Variants in ZNF75A observed in about 807,000 individuals in gnomAD.
ZNF75A encodes zinc finger protein 75A.
Under a neutral mutation model 46.3 loss-of-function variants are expected in ZNF75A, and 36 were observed. That is an observed-to-expected ratio of 0.78 (90% CI 0.60 to 1.03). ZNF75A has a LOEUF of 1.03. Ranked by LOEUF, ZNF75A falls within the 50% of genes least tolerant of loss-of-function variation. The probability of loss-of-function intolerance (pLI) is 0.00; values close to 1 mark genes in which losing one functional copy is unlikely to be tolerated. For missense variants in ZNF75A, 595 were observed against 551.3 expected (o/e 1.08, Z -0.79); for synonymous variants, 234 against 189.9 (o/e 1.23, Z -1.91).
chr16:3,311,141 ATGAG>A (rs1022961906), intron 2 of ZNF75A, among the ~76,000 whole-genome samples: 1 of 152,142 alleles, frequency 6.6e-6, no homozygotes, highest in African/African-American at 2.4e-5. Flanking sequence ...CAGTATTAGA[ATGAG>A]TGGCCTGCCT....
At position 3,317,628 on chromosome 16, in the gene ZNF75A, A is replaced by T. The variant is rs1156573277; in HGVS notation, c.1373A>T (p.Tyr458Phe). 1.2e-6 allele frequency: 2 copies of T among 1,614,030 alleles called. No homozygotes were observed. Among genetic ancestry groups the T allele is most frequent in the African/African-American group, 1.3e-5 (1 of 74,924 alleles). The change falls in exon 7 of 7, where the codon TAT (tyrosine) becomes TTT (phenylalanine). Residue 458 changes from tyrosine to phenylalanine, a missense_variant. By Grantham distance (22) the Tyr-to-Phe change is conservative (BLOSUM62 3). Coordinates refer to ENST00000669516, the MANE Select transcript of ZNF75A (RefSeq NM_001302109.2). The part of the protein sequence containing the change: ...HLTTHQGIKP[Y>F]KCSWCGKSFS... ...ACAACACACCAAGGAATAAAACCATATAAATGTTCATGGTGTGGGAAAAGC... is the reference window on the plus strand; with the variant it reads ...ACAACACACCAAGGAATAAAACCATTTAAATGTTCATGGTGTGGGAAAAGC...
At chr16:3,312,965 A>G in intron 4 of ZNF75A, 84 bp from the exon 5 acceptor site, 1 of 1,473,386 alleles carries the variant, frequency 6.8e-7, no homozygotes, top group South Asian at 1.4e-5. Context: ...TAATTCCTTT[A>G]TCGCCTGGCC....
At chr16:3,312,936 TA>T in intron 4 of ZNF75A, 112 bp from the exon 5 acceptor site, 2 of 1,393,870 alleles carry the variant, frequency 1.4e-6, no homozygotes, top group Non-Finnish European at 1.9e-6. Flanking sequence ...CCTTCTCACT[TA>T]AAAAAATCAT....
intron 4 of ZNF75A, 133 bp from the exon 5 acceptor site, chr16:3,312,915 CT>C: frequency 1.2e-5 from 16 of 1,324,668 alleles, no homozygotes; most frequent in Admixed American, 2.9e-5. Flanking sequence ...GCCTTTTCTC[CT>C]TTTTTTCTGC....
At chr16:3,319,712 C>T (rs1219491710), downstream of ZNF75A, among the ~76,000 whole-genome samples, 2 of 151,922 alleles carry the variant, frequency 1.3e-5, no homozygotes, top group African/African-American at 2.4e-5. Context: ...CTGCTCCTTG[C>T]TCTAAGACGG....
In ZNF75A at chr16:3,308,557, T is replaced by A. The variant is rs758351019; in HGVS notation, c.129T>A (p.Asp43Glu). The change falls in exon 2 of 7, where the codon GAT becomes GAA. Residue 43 changes from aspartate (D) to glutamate (E), a missense_variant. Coordinates refer to ENST00000669516, the MANE Select transcript of ZNF75A (RefSeq NM_001302109.2). ...AATCTCCTCAAATGGACTGTCTCGA[T>A]CCTAAGAGCTCTTGCTGGCACTTCC... ...SKKSPQMDCLDPKSSCWHFRN... is the reference protein window; with the variant it reads ...SKKSPQMDCLEPKSSCWHFRN... 5 of 985,916 alleles carry A rather than the reference T, an allele frequency of 5.1e-6. No homozygotes were observed. The highest frequency in any genetic ancestry group is 6.0e-6 in the Non-Finnish European group (5 of 829,968). The allele number at this position is 985,916 out of a possible 1,614,324, so 61.1% of individuals were successfully genotyped here.
At chr16:3,321,513 G>A (rs897287487), downstream of ZNF75A, among the ~76,000 whole-genome samples, 5 of 152,134 alleles carry the variant, frequency 3.3e-5, no homozygotes, top group African/African-American at 7.2e-5. Context: ...TTTGAGACAA[G>A]GGTCTCTGTT....
chr16:3,318,643 G>C lies in ZNF75A; in HGVS notation c.*774G>C, dbSNP rs894331706. On this transcript the variant is annotated 3_prime_UTR_variant, in exon 7 of 7. Transcript: ENST00000669516. ...ATTAGTACTTGCCCAAGGCCTGAAA[G>C]AGAATTAGTGGGAATTAAGATCAAC... 13 of 985,346 alleles carry C rather than the reference G, an allele frequency of 1.3e-5. No individual in the cohort carries two copies. The African/African-American group carries it at 2.3e-4, about 17-fold the overall frequency. The allele number at this position is 985,346 out of a possible 1,614,324, so 61.0% of individuals were successfully genotyped here. A position where few individuals can be genotyped will look rare whatever the true frequency, so the allele number is the denominator to read the frequency against.
At position 3,317,776 on chromosome 16, in the gene ZNF75A, C is replaced by T. The variant is rs759542167; in HGVS notation, c.1521C>T (p.Thr507=). 1.2e-6 allele frequency: 2 copies of T among 1,614,154 alleles called. No individual in the cohort carries two copies. The highest frequency in any genetic ancestry group is 1.6e-4 in the Middle Eastern group (1 of 6,062). The change falls in exon 7 of 7, where the codon ACC becomes ACT. Residue 507 remains threonine (T), a synonymous_variant. Coordinates refer to ENST00000669516, the MANE Select transcript of ZNF75A (RefSeq NM_001302109.2). The part of the protein sequence containing the change: ...QNSHLIKHRR[T]HTGEQPYTCS... ...CCCACCTTATTAAACACCGGAGAAC[C>T]CACACAGGTGAGCAGCCATATACTT...
At position 3,317,353 on chromosome 16, in the gene ZNF75A, G is replaced by T. The variant is rs760314318; in HGVS notation, c.1098G>T (p.Trp366Cys). The T allele has an allele frequency of 2.5e-6, 4 of 1,613,966 alleles. No homozygotes were observed. Among genetic ancestry groups the T allele is most frequent in the Non-Finnish European group, 2.5e-6 (3 of 1,180,016 alleles). The stretch of plus-strand genomic sequence containing the variant: ...TTGATATGCACAGAGTGGGAAAATG[G>T]CACCAAGATTTTCCAGTGAAGAAAA... ...NHFDMHRVGK[W>C]HQDFPVKKRK... Residue 366 changes from tryptophan (W) to cysteine (C), a missense_variant, in exon 7 of 7, where the codon TGG (tryptophan) becomes TGT (cysteine). Physicochemically the swap from Trp to Cys is radical, Grantham distance 215. Coordinates refer to ENST00000669516, the MANE Select transcript of ZNF75A (RefSeq NM_001302109.2).
At chr16:3,314,122 G>T (rs191451652) in intron 5 of ZNF75A, among the ~76,000 whole-genome samples, 132 of 152,122 alleles carry the variant, frequency 8.7e-4, no homozygotes, top group African/African-American at 2.8e-3. Context: ...ATCATCTGGG[G>T]AACCGGTTCT....
At chr16:3,322,304 C>T (rs2029973519), downstream of ZNF75A, among the ~76,000 whole-genome samples, 1 of 152,188 alleles carries the variant, frequency 6.6e-6, no homozygotes. Flanking sequence ...TGTGGGTTCA[C>T]TGGGGACCGA....
chr16:3,314,215 C>T (rs902641285), intron 5 of ZNF75A, among the ~76,000 whole-genome samples: 1 of 152,118 alleles, frequency 6.6e-6, no homozygotes, highest in African/African-American at 2.4e-5. Context: ...CCTATCTTTC[C>T]AGAAAGAATC....
downstream of ZNF75A, among the ~76,000 whole-genome samples, chr16:3,320,469 G>A (rs1023485228): frequency 3.3e-5 from 5 of 152,116 alleles, no homozygotes; most frequent in African/African-American, 1.2e-4. Flanking sequence ...CTGGCTTCCC[G>A]TGGATACTAA....
intron 2 of ZNF75A, 29 bp downstream of exon 2, chr16:3,308,865 G>C (rs2150799031): frequency 1.0e-6 from 1 of 984,964 alleles, no homozygotes; most frequent in African/African-American, 1.7e-5. Flanking sequence ...GACATGTACA[G>C]TGAAATAGGA....
chr16:3,314,529 A>T (rs568288114), intron 5 of ZNF75A, among the ~76,000 whole-genome samples: 1 of 152,198 alleles, frequency 6.6e-6, no homozygotes, highest in East Asian at 1.9e-4. Context: ...ACCCTGGACA[A>T]TTAGGCTTGG....
At chr16:3,322,002 C>G (rs1425076825), downstream of ZNF75A, among the ~76,000 whole-genome samples, 1 of 152,180 alleles carries the variant, frequency 6.6e-6, no homozygotes, top group Non-Finnish European at 1.5e-5. Flanking sequence ...AGTCATGCCA[C>G]TGAAGCATTT....
At position 3,318,177 on chromosome 16, in the gene ZNF75A, A is replaced by G. The variant is rs565876768; in HGVS notation, c.*308A>G. The G allele has an allele frequency of 9.6e-5, 104 of 1,087,458 alleles. No homozygotes were observed. Among genetic ancestry groups the G allele is most frequent in the Admixed American group, 9.5e-4 (20 of 21,000 alleles). 67.4% of individuals were successfully genotyped at this position (1,087,458 alleles called of 1,614,324 possible). ...TAACATGCATGTTTAATTGCATACC[A>G]TTCTCTTCACAGTAGCAGGCTTACC... is the stretch of plus-strand genomic sequence containing the variant. On this transcript the variant is annotated 3_prime_UTR_variant, in exon 7 of 7. Coordinates refer to ENST00000669516, the MANE Select transcript of ZNF75A (RefSeq NM_001302109.2).
At chr16:3,306,208 G>C (rs553459530) in intron 1 of ZNF75A, 1 of 152,242 alleles carries the variant, frequency 6.6e-6, no homozygotes, top group South Asian at 2.1e-4. Flanking sequence ...GCCCCCCTTA[G>C]AAGTCTAAAT....
Sources: allele counts gnomAD v4.1 joint callset (sites outside exome capture counted in the v4.1 genomes callset), GRCh38; gene constraint gnomAD v4.1.1; transcripts MANE v1.5; gene names NCBI Gene and HGNC (gene_info 2026-07-23, HGNC 2026-07-21).